Variants in ANKRD54 observed in about 807,000 individuals in gnomAD.
ANKRD54 encodes the protein ankyrin repeat domain-containing protein 54.
A neutral mutation model predicts 36.2 loss-of-function variants in ANKRD54; 26 were observed. The observed-to-expected ratio is 0.72, with a 90% CI of 0.53 to 1.00. The LOEUF is 1.00. Among genes scored for constraint, ANKRD54 ranks in the 50% least tolerant of loss-of-function variants. ANKRD54 has a pLI of 0.00. For synonymous variants in ANKRD54, 209 were observed against 188.4 expected (o/e 1.11, Z -0.89); for missense variants, 384 against 424.3 (o/e 0.91, Z 0.83).
intron 3 of ANKRD54, among the ~76,000 whole-genome samples, chr22:37,837,327 G>A (rs923771564): frequency 3.3e-5 from 5 of 152,048 alleles, no homozygotes; most frequent in South Asian, 4.1e-4. Context: ...ATAGATGAGT[G>A]TTTACAGCCA....
upstream of ANKRD54, among the ~76,000 whole-genome samples, chr22:37,847,138 C>G (rs1445888698): frequency 6.6e-6 from 1 of 151,536 alleles, no homozygotes; most frequent in African/African-American, 2.4e-5. Context: ...CAGGCGTGAG[C>G]CACCGCGCCC....
upstream of ANKRD54, chr22:37,849,284 A>G: frequency 1.2e-6 from 1 of 826,726 alleles, no homozygotes; most frequent in Non-Finnish European, 2.1e-6. Context: ...GAGCCACGGA[A>G]CGCGGCTCCT....
At chr22:37,840,057 C>A in intron 2 of ANKRD54, 130 bp downstream of exon 2, 1 of 1,070,576 alleles carries the variant, frequency 9.3e-7, no homozygotes, top group East Asian at 2.4e-5. Flanking sequence ...CACAGTCAGA[C>A]AATAAATACA....
Position 37,832,964 on chromosome 22 carries a change from C to G in ANKRD54, c.714G>C (p.Val238=). 1.3e-5 allele frequency: 21 copies of G among 1,613,724 alleles called. No individual in the cohort carries two copies. The highest frequency in any genetic ancestry group is 1.7e-5 in the Non-Finnish European group (20 of 1,180,020). ...AQCLEAVRLE[V]KQIIHMLREY... ...ACACAGAAGGGGTACTCACCTGCTT[C>G]ACCTCCAGACGCACAGCCTCTAGGC... is the stretch of plus-strand genomic sequence containing the variant. Residue 238 remains valine, a synonymous_variant, in exon 6 of 8, where the codon GTG becomes GTC. Coordinates refer to ENST00000215941, the MANE Select transcript of ANKRD54 (RefSeq NM_138797.4).
chr22:37,833,930 CA>C, intron 3 of ANKRD54, 175 bp from the exon 4 acceptor site: 2 of 624,048 alleles, frequency 3.2e-6, no homozygotes, highest in Non-Finnish European at 5.7e-6. Flanking sequence ...AGTTCATGGG[CA>C]AAGCCCTGAG....
chr22:37,844,584 C>A (rs970069894), upstream of ANKRD54, among the ~76,000 whole-genome samples: 2 of 152,192 alleles, frequency 1.3e-5, no homozygotes, highest in Non-Finnish European at 2.9e-5. Context: ...AGTAAAACAG[C>A]ATTTCAGACG....
At position 37,844,046 on chromosome 22, in the gene ANKRD54, G is replaced by A. The variant is rs1408412939; in HGVS notation, c.193C>T (p.Leu65=). 1.4e-6 allele frequency: 2 copies of A among 1,438,412 alleles called. No individual in the cohort carries two copies. Among genetic ancestry groups the A allele is most frequent in the Non-Finnish European group, 1.8e-6 (2 of 1,103,118 alleles). The allele number at this position is 1,438,412 out of a possible 1,614,324, so 89.1% of individuals were successfully genotyped here. Residue 65 remains leucine (L), a synonymous_variant, in exon 1 of 8, where the codon CTG becomes TTG. Coordinates refer to ENST00000215941, the MANE Select transcript of ANKRD54 (RefSeq NM_138797.4). ...TGCCACAGGACGTGCAAGTAGCGCAGCGGCGACTGGGCCCCGCCGGACGCC... is the reference window on the plus strand; with the variant it reads ...TGCCACAGGACGTGCAAGTAGCGCAACGGCGACTGGGCCCCGCCGGACGCC... ...GRASGGAQSP[L]RYLHVLWQQD...
At chr22:37,834,031 C>G in intron 3 of ANKRD54, 1 of 400,368 alleles carries the variant, frequency 2.5e-6, no homozygotes, top group East Asian at 4.2e-5. Flanking sequence ...CTTCCAATAG[C>G]AGCTGCTCCT....
At chr22:37,839,319 C>G (rs1923931147) in intron 2 of ANKRD54, among the ~76,000 whole-genome samples, 1 of 152,170 alleles carries the variant, frequency 6.6e-6, no homozygotes, top group African/African-American at 2.4e-5. Flanking sequence ...AGATTAGTTC[C>G]TTTGCGGACA....
chr22:37,849,303 T>G (rs1300693820), upstream of ANKRD54: 2 of 974,304 alleles, frequency 2.1e-6, no homozygotes, highest in Non-Finnish European at 3.3e-6. Flanking sequence ...CTCTTCCTTC[T>G]GGATATGGCT....
At chr22:37,847,104 C>T (rs1924879985), upstream of ANKRD54, among the ~76,000 whole-genome samples, 1 of 151,376 alleles carries the variant, frequency 6.6e-6, no homozygotes, top group African/African-American at 2.4e-5. Context: ...CCACCCGCCT[C>T]GGCCTCCCAA....
rs1267889982 is a variant in ANKRD54, at chr22:37,831,706, G to A, written c.*237C>T. ...TGCAGAGGCTGGTCTGGTGCTGCGA[G>A]AACTGGAAGAAGCTGGGAGCTGTGG... On this transcript the variant is annotated 3_prime_UTR_variant, in exon 8 of 8. Coordinates refer to ENST00000215941, the MANE Select transcript of ANKRD54 (RefSeq NM_138797.4). 1.8e-6 allele frequency: 1 copy of A among 566,006 alleles called. No homozygotes were observed. The allele number at this position is 566,006 out of a possible 1,614,324, so 35.1% of individuals were successfully genotyped here.
chr22:37,843,514 CTG>C, intron 1 of ANKRD54: 1 of 158,376 alleles, frequency 6.3e-6, no homozygotes, highest in East Asian at 1.8e-4. Flanking sequence ...TAAGGTCTAA[CTG>C]TGGTAAAGGA....
At position 37,835,635 on chromosome 22, in the gene ANKRD54, G is replaced by A. The variant is rs570148043; in HGVS notation, c.476-1880C>T. On this transcript the variant is annotated intron_variant, in intron 3 of 7. Transcript: ENST00000215941. ...CAGCTGGGTAACATAGCAGGACCAC[G>A]TCTCTACAAGATGTTTTAAAATTAG... Among the ~76,000 whole-genome samples the A allele has an allele frequency of 1.4e-3, 217 of 152,166 alleles. 1 individual carries two copies. The highest frequency in any genetic ancestry group is 2.6e-3 in the Non-Finnish European group (179 of 68,016).
intron 2 of ANKRD54, 102 bp from the exon 3 acceptor site, chr22:37,838,700 C>G (rs1382158583): frequency 1.7e-6 from 2 of 1,152,176 alleles, no homozygotes; most frequent in Non-Finnish European, 2.5e-6. Flanking sequence ...TGCCTCTAGA[C>G]AAGACATCGA....
upstream of ANKRD54, chr22:37,844,342 G>C (rs979448385): frequency 2.2e-6 from 3 of 1,350,094 alleles, no homozygotes; most frequent in Admixed American, 2.7e-5. Context: ...GCTGGCGGGC[G>C]GGCAGGGCCC....
chr22:37,833,303 G>A, intron 4 of ANKRD54, 97 bp from the exon 5 acceptor site: 2 of 1,486,678 alleles, frequency 1.3e-6, no homozygotes, highest in Admixed American at 3.9e-5. Context: ...CCAGACGCCT[G>A]TGCCAAGTTA....
rs377652831 is a variant in ANKRD54 at position 37,831,907 on chromosome 22, G to T, written c.*36C>A. On this transcript the variant is annotated 3_prime_UTR_variant, in exon 8 of 8. Transcript: ENST00000215941. ...GGTACTGAGACAGCAGTGGGGCAGG[G>T]TGGGGCAGTGGCAGGAAGGCAGGGA... 1.2e-6 allele frequency: 2 copies of T among 1,606,526 alleles called. No individual in the cohort carries two copies. The highest frequency in any genetic ancestry group is 1.3e-5 in the African/African-American group (1 of 74,856).
At chr22:37,841,421 GAGGCTC>G (rs113435981) in intron 1 of ANKRD54, among the ~76,000 whole-genome samples, 11 of 152,094 alleles carry the variant, frequency 7.2e-5, no homozygotes, top group African/African-American at 2.4e-4. Flanking sequence ...AGCTACTTGG[GAGGCTC>G]AGGCAGGAGA....
Sources: gnomAD v4.1 joint callset for allele counts (sites outside exome capture counted in the v4.1 genomes callset) on GRCh38, gnomAD v4.1.1 for gene constraint, MANE v1.5 for transcripts, NCBI Gene and HGNC (gene_info 2026-07-23, HGNC 2026-07-21) for gene names.